Variants in TSGA10 observed in about 807,000 individuals in gnomAD.
TSGA10 encodes the protein testis-specific gene 10 protein.
In TSGA10, 43 loss-of-function variants were observed where a neutral mutation model predicts 96.6. The ratio of observed to expected loss-of-function variants is 0.44; its 90% CI spans 0.35 to 0.57. The LOEUF (loss-of-function observed/expected upper bound fraction) is 0.57, where lower values mean the gene tolerates loss of function less well. Among genes scored for constraint, TSGA10 ranks in the 20% least tolerant of loss-of-function variants. The probability of loss-of-function intolerance (pLI) is 0.01; values close to 1 mark genes in which losing one functional copy is unlikely to be tolerated. For missense variants in TSGA10, 703 were observed against 834.4 expected (o/e 0.84, Z 1.94); for synonymous variants, 229 against 269.9 (o/e 0.85, Z 1.48).
At chr2:99,150,679 T>C (rs745786265) in intron 1 of TSGA10, 2 of 1,614,084 alleles carry the variant, frequency 1.2e-6, no homozygotes, top group South Asian at 2.2e-5. Flanking sequence ...GACTCAGTTA[T>C]TTCAAAACAC....
At chr2:99,045,387 C>T (rs1314069058) in intron 16 of TSGA10, among the ~76,000 whole-genome samples, 1 of 152,154 alleles carries the variant, frequency 6.6e-6, no homozygotes, top group Admixed American at 6.6e-5. Context: ...GAGGATCTCT[C>T]GGCAGAAACT....
chr2:99,110,571 T>C (rs1230974585), intron 5 of TSGA10, among the ~76,000 whole-genome samples: 2 of 152,190 alleles, frequency 1.3e-5, no homozygotes, highest in Non-Finnish European at 2.9e-5. Context: ...AATTATTCAG[T>C]CATCATTTTA....
intron 1 of TSGA10, among the ~76,000 whole-genome samples, chr2:99,132,709 A>AT (rs1052493011): frequency 1.3e-5 from 2 of 151,932 alleles, no homozygotes; most frequent in African/African-American, 4.8e-5. Context: ...TAGGGTGTTG[A>AT]TTTTAGATCT....
At chr2:99,072,990 T>C (rs778674939) in intron 13 of TSGA10, 28 bp downstream of exon 13, 1 of 1,561,770 alleles carries the variant, frequency 6.4e-7, no homozygotes, top group East Asian at 2.2e-5. Context: ...CAGTAAGAGC[T>C]CATATATTTG....
chr2:99,139,682 A>C (rs1054862702), intron 1 of TSGA10, among the ~76,000 whole-genome samples: 1 of 152,216 alleles, frequency 6.6e-6, no homozygotes, highest in Non-Finnish European at 1.5e-5. Flanking sequence ...CAGCAAACTA[A>C]ATACTGCGAG....
intron 16 of TSGA10, among the ~76,000 whole-genome samples, chr2:99,046,866 C>T (rs988259238): frequency 6.6e-5 from 10 of 151,922 alleles, no homozygotes; most frequent in African/African-American, 1.9e-4. Flanking sequence ...ATCAAATAGA[C>T]GCAATACAAA....
intron 10 of TSGA10, among the ~76,000 whole-genome samples, chr2:99,083,889 T>A (rs1266849056): frequency 6.6e-6 from 1 of 152,162 alleles, no homozygotes; most frequent in Non-Finnish European, 1.5e-5. Context: ...GTCTTGAATG[T>A]GGTAGTAGTT....
At chr2:99,109,090 A>C (rs2091600880) in intron 6 of TSGA10, 99 bp from the exon 7 acceptor site, 4 of 935,290 alleles carry the variant, frequency 4.3e-6, no homozygotes, top group Non-Finnish European at 6.2e-6. Flanking sequence ...AGAAAATAAG[A>C]CTATATAATG....
chr2:99,122,976 C>T (rs1310913771), intron 2 of TSGA10, among the ~76,000 whole-genome samples: 1 of 152,074 alleles, frequency 6.6e-6, no homozygotes, highest in Non-Finnish European at 1.5e-5. Flanking sequence ...TTTTCTTTAT[C>T]TGAGAATGTC....
intron 16 of TSGA10, among the ~76,000 whole-genome samples, chr2:99,045,481 C>T (rs545396664): frequency 5.9e-5 from 9 of 152,088 alleles, no homozygotes; most frequent in Non-Finnish European, 1.2e-4. Flanking sequence ...TCCAGCCAAA[C>T]CAAGCTTCAA....
chr2:99,151,117 G>T, intron 1 of TSGA10: 1 of 247,792 alleles, frequency 4.0e-6, no homozygotes, highest in Non-Finnish European at 7.6e-6. Flanking sequence ...GTATTTGAAT[G>T]GCATCAAAAC....
chr2:99,133,315 A>G (rs1460616608), intron 1 of TSGA10, among the ~76,000 whole-genome samples: 1 of 152,182 alleles, frequency 6.6e-6, no homozygotes, highest in Admixed American at 6.5e-5. Flanking sequence ...TTCTTGTTGC[A>G]TTGATCCCTT....
chr2:99,111,105 TAAC>T (rs1282444797), intron 4 of TSGA10, among the ~76,000 whole-genome samples, 190 bp from the exon 5 acceptor site: 1 of 152,084 alleles, frequency 6.6e-6, no homozygotes, highest in Non-Finnish European at 1.5e-5. Flanking sequence ...CAGAATGAAA[TAAC>T]AATTCTCTTA....
intron 1 of TSGA10, chr2:99,151,005 A>C: frequency 4.1e-6 from 2 of 492,520 alleles, no homozygotes; most frequent in Non-Finnish European, 7.3e-6. Flanking sequence ...ATGCTTATTC[A>C]AAAGGCAGTT....
chr2:99,148,870 T>C (rs1284182472), intron 1 of TSGA10, among the ~76,000 whole-genome samples: 2 of 152,120 alleles, frequency 1.3e-5, no homozygotes, highest in East Asian at 1.9e-4. Context: ...TGGATGACCA[T>C]GATGTTTGCA....
chr2:99,142,258 T>G (rs547521708), intron 1 of TSGA10: 1 of 152,256 alleles, frequency 6.6e-6, no homozygotes, highest in Admixed American at 6.5e-5. Flanking sequence ...TGGATGATAA[T>G]GGTGACTTTA....
At position 99,123,346 on chromosome 2, in the gene TSGA10, CAT is replaced by C. The variant is rs199882521; in HGVS notation, c.-492+3700_-492+3701del. 6.8e-3 allele frequency among the ~76,000 whole-genome samples: 1,039 copies of C among 152,146 alleles called. 14 individuals are homozygous for C. The highest frequency in any genetic ancestry group is 0.024 in the African/African-American group (979 of 41,506). ...CACTTTCTCTCACTTTTTTGTCGAACATAGTTTTACCTGTCTCTGAGGCTCTA... is the reference window on the plus strand; with the variant it reads ...CACTTTCTCTCACTTTTTTGTCGAACAGTTTTACCTGTCTCTGAGGCTCTA... On this transcript the variant is annotated intron_variant, in intron 2 of 20. Transcript: ENST00000393483.
At chr2:99,131,973 G>T (rs568510496) in intron 1 of TSGA10, among the ~76,000 whole-genome samples, 1 of 152,036 alleles carries the variant, frequency 6.6e-6, no homozygotes, top group African/African-American at 2.4e-5. Context: ...GGATGAAGCC[G>T]ACTTGATCAT....
chr2:99,005,086 TCAA>T (rs1307782898), intron 20 of TSGA10, among the ~76,000 whole-genome samples: 1 of 152,142 alleles, frequency 6.6e-6, no homozygotes, highest in East Asian at 1.9e-4. Context: ...TTGACAAAAT[TCAA>T]CAACGCTTCA....
Sources: allele counts gnomAD v4.1 joint callset (sites outside exome capture counted in the v4.1 genomes callset), GRCh38; gene constraint gnomAD v4.1.1; transcripts MANE v1.5; gene names NCBI Gene and HGNC (gene_info 2026-07-23, HGNC 2026-07-21).